Variants in KIF20B observed in about 807,000 individuals in gnomAD.
KIF20B encodes the protein kinesin family member 20B, also known as kinesin-like protein KIF20B.
KIF20B carries 188 observed loss-of-function variants against 232.5 expected under a neutral mutation model. That is an observed-to-expected ratio of 0.81 (90% CI 0.72 to 0.91). KIF20B has a LOEUF of 0.91. KIF20B is among the 40% of genes least tolerant of loss of function. KIF20B has a pLI of 0.00. For missense variants in KIF20B, 2,154 were observed against 2,055.9 expected, an observed-to-expected ratio of 1.05 and a Z score of -0.92; for synonymous variants, 712 against 683.0, an observed-to-expected ratio of 1.04 and a Z score of -0.66.
At chr10:89,751,214 C>T in intron 23 of KIF20B, 132 bp from the exon 24 acceptor site, 1 of 668,118 alleles carries the variant, frequency 1.5e-6, no homozygotes, top group Non-Finnish European at 2.5e-6. Context: ...ATGAATAAGA[C>T]AAAGTTTCTG....
chr10:89,703,312 A>G (rs1471397790), intron 1 of KIF20B, among the ~76,000 whole-genome samples: 1 of 152,296 alleles, frequency 6.6e-6, no homozygotes, highest in East Asian at 1.9e-4. Flanking sequence ...TTCTTGTGAT[A>G]CGTTTAGGAA....
chr10:89,738,050 C>T lies in KIF20B; in HGVS notation c.3209C>T (p.Ala1070Val), dbSNP rs541996453. ...IWEECKEIVK[A>V]SSKKSHQIEE... ...GAAGAATGTAAAGAGATTGTGAAGG[C>T]CTCTTCCAAAAAAAGTCATCAGATT... Residue 1070 changes from alanine (A) to valine (V), a missense_variant, in exon 20 of 33, where the codon GCC (alanine) becomes GTC (valine). Coordinates refer to ENST00000371728, the MANE Select transcript of KIF20B (RefSeq NM_001284259.2). The T allele has an allele frequency of 6.2e-7, 1 of 1,613,148 alleles. No homozygotes were observed. Among genetic ancestry groups the T allele is most frequent in the Admixed American group, 1.7e-5 (1 of 59,968 alleles).
chr10:89,719,738 GTCT>G (rs1564660434), intron 13 of KIF20B, 32 bp downstream of exon 13: 4 of 1,499,666 alleles, frequency 2.7e-6, no homozygotes, highest in South Asian at 1.3e-5. Flanking sequence ...TTCTATGCTT[GTCT>G]TCTTATTCTG....
At chr10:89,731,934 T>G (rs578188903) in intron 18 of KIF20B, among the ~76,000 whole-genome samples, 19 of 152,354 alleles carry the variant, frequency 1.2e-4, no homozygotes, top group African/African-American at 4.6e-4. Flanking sequence ...TATTTCCTGC[T>G]AATACAATGT....
rs3758390 is a variant in KIF20B at position 89,772,811 on chromosome 10, A to G, written c.5365A>G (p.Ile1789Val). 1.2e-4 allele frequency: 193 copies of G among 1,609,492 alleles called. 3 individuals are homozygous for G. In the East Asian group the frequency reaches 4.3e-3, roughly 35 times the overall value. Residue 1789 changes from isoleucine to valine, a missense_variant, in exon 32 of 33, where the codon ATT becomes GTT. Transcript: ENST00000371728. ...KLYTSEISSP[I>V]DISGQVILMD... The stretch of plus-strand genomic sequence containing the variant: ...ATACACAAGTGAAATTTCATCTCCT[A>G]TTGATATATCAGGCCAAGTGGTAAG...
chr10:89,767,994 A>G (rs947274720), intron 29 of KIF20B, among the ~76,000 whole-genome samples: 4 of 152,010 alleles, frequency 2.6e-5, no homozygotes, highest in African/African-American at 9.7e-5. Context: ...AGCACAGTTG[A>G]CATTGTGGGC....
chr10:89,707,106 C>T (rs952920097), intron 2 of KIF20B, among the ~76,000 whole-genome samples: 4 of 152,078 alleles, frequency 2.6e-5, no homozygotes, highest in Non-Finnish European at 4.4e-5. Flanking sequence ...AGAGGCCTTT[C>T]GTGTCTTTTG....
At position 89,729,179 on chromosome 10, in the gene KIF20B, C is replaced by A; in HGVS notation, c.2323C>A (p.Gln775Lys). ...TAAAGAATTGATAAATATAATTGAT[C>A]AAAAAGAAGATACTATCAACGAATT... ...RIKELINIID[Q>K]KEDTINEFQN... The change falls in exon 18 of 33, where the codon CAA (glutamine) becomes AAA (lysine). Residue 775 changes from glutamine to lysine, a missense_variant. Gln to Lys is a moderately conservative substitution (Grantham distance 53). Coordinates refer to ENST00000371728, the MANE Select transcript of KIF20B (RefSeq NM_001284259.2). The A allele has an allele frequency of 2.0e-6, 3 of 1,470,412 alleles. No homozygotes were observed. The highest frequency in any genetic ancestry group is 1.3e-5 in the South Asian group (1 of 77,270). The allele number at this position is 1,470,412 out of a possible 1,614,324, so 91.1% of individuals were successfully genotyped here.
intron 23 of KIF20B, among the ~76,000 whole-genome samples, chr10:89,747,853 T>A (rs909671285): frequency 6.7e-6 from 1 of 148,558 alleles, no homozygotes; most frequent in Non-Finnish European, 1.5e-5. Flanking sequence ...AACCTGCACA[T>A]TGTGCACATG....
At chr10:89,718,354 T>TA (rs1473181981) in intron 11 of KIF20B, among the ~76,000 whole-genome samples, 1 of 151,760 alleles carries the variant, frequency 6.6e-6, no homozygotes, top group African/African-American at 2.4e-5. Context: ...AAAATAAAAA[T>TA]AAAAAAATTA....
intron 13 of KIF20B, among the ~76,000 whole-genome samples, chr10:89,723,104 G>A (rs1201904964): frequency 6.6e-6 from 1 of 152,028 alleles, no homozygotes; most frequent in Non-Finnish European, 1.5e-5. Context: ...CCAGAACATG[G>A]GGTTATATTA....
chr10:89,714,039 T>G lies in KIF20B; in HGVS notation c.676-8T>G. The G allele has an allele frequency of 7.2e-7, 1 of 1,384,096 alleles. No individual in the cohort carries two copies. Among genetic ancestry groups the G allele is most frequent in the Non-Finnish European group, 9.8e-7 (1 of 1,023,742 alleles). The allele number at this position is 1,384,096 out of a possible 1,614,324, so 85.7% of individuals were successfully genotyped here. ...TTTTTTAATTTTTTAAAACAATCTT[T>G]TTTTTAGGTTACTGTGCATAATGAT... is the stretch of plus-strand genomic sequence containing the variant. On this transcript the variant is annotated splice_polypyrimidine_tract_variant and splice_region_variant and intron_variant, in intron 6 of 32. Coordinates refer to ENST00000371728, the MANE Select transcript of KIF20B (RefSeq NM_001284259.2).
At chr10:89,765,011 A>G (rs1348066766) in intron 29 of KIF20B, among the ~76,000 whole-genome samples, 2 of 151,418 alleles carry the variant, frequency 1.3e-5, no homozygotes, top group Non-Finnish European at 2.9e-5. Flanking sequence ...GTTTTCTTCT[A>G]GGGTTTTTAT....
chr10:89,772,687 A>G lies in KIF20B; in HGVS notation c.5243-2A>G. The G allele has an allele frequency of 2.7e-5, 41 of 1,542,650 alleles. No homozygotes were observed. The highest frequency in any genetic ancestry group is 3.5e-5 in the Non-Finnish European group (40 of 1,137,230). The stretch of plus-strand genomic sequence containing the variant: ...GAACTAATTAACAATTTTATTTTAT[A>G]GCAAAGAAGATAATTGAAACAATGA... On this transcript the variant is annotated splice_acceptor_variant, in intron 31 of 32. Transcript: ENST00000371728. LOFTEE classifies it high-confidence loss of function.
Position 89,719,665 on chromosome 10 carries a change from T to G in KIF20B, c.1681T>G (p.Leu561Val), listed in dbSNP as rs1175224001. The G allele has an allele frequency of 5.0e-6, 8 of 1,610,114 alleles. No homozygotes were observed. The highest frequency in any genetic ancestry group is 6.8e-6 in the Non-Finnish European group (8 of 1,178,742). The change falls in exon 13 of 33, where the codon TTA (leucine) becomes GTA (valine). Residue 561 changes from leucine to valine, a missense_variant. Physicochemically the swap from Leu to Val is conservative, Grantham distance 32. Transcript: ENST00000371728. ...KLLDEDLDKT[L>V]EENKAFISHE... ...TCTTGATGAAGATCTAGATAAAACA[T>G]TAGAGGAAAATAAGGCTTTCATTAG... is the stretch of plus-strand genomic sequence containing the variant.
At chr10:89,745,720 C>G (rs1001652709) in intron 22 of KIF20B, among the ~76,000 whole-genome samples, 179 bp from the exon 23 acceptor site, 1 of 151,984 alleles carries the variant, frequency 6.6e-6, no homozygotes, top group Non-Finnish European at 1.5e-5. Context: ...CCTGCTCTCA[C>G]CCTACCCTTT....
intron 2 of KIF20B, among the ~76,000 whole-genome samples, 153 bp downstream of exon 2, chr10:89,705,594 AT>A (rs1842705975): frequency 6.6e-6 from 1 of 152,246 alleles, no homozygotes; most frequent in African/African-American, 2.4e-5. Context: ...AAAAATCAAA[AT>A]AGGAATAATG....
At chr10:89,757,150 G>A (rs977891242) in intron 26 of KIF20B, among the ~76,000 whole-genome samples, 2 of 150,606 alleles carry the variant, frequency 1.3e-5, no homozygotes, top group Non-Finnish European at 3.0e-5. Context: ...CGAAGCAGTT[G>A]TACCCATTTA....
At position 89,738,223 on chromosome 10, in the gene KIF20B, T is replaced by C; in HGVS notation, c.3382T>C (p.Leu1128=). The change falls in exon 20 of 33, where the codon TTG becomes CTG. Residue 1128 remains leucine, a synonymous_variant. Coordinates refer to ENST00000371728, the MANE Select transcript of KIF20B (RefSeq NM_001284259.2). ...TCTTATACAGCAGCTGAAAGAAGAA[T>C]TGCAAGAAAAAAATGTTACTCTTGA... ...ETLIQQLKEE[L]QEKNVTLDVQ... The C allele has an allele frequency of 1.2e-6, 2 of 1,601,074 alleles. No individual in the cohort carries two copies. The highest frequency in any genetic ancestry group is 8.5e-7 in the Non-Finnish European group (1 of 1,177,278).
Sources: gnomAD v4.1 joint callset for allele counts (sites outside exome capture counted in the v4.1 genomes callset) on GRCh38, gnomAD v4.1.1 for gene constraint, MANE v1.5 for transcripts, NCBI Gene and HGNC (gene_info 2026-07-23, HGNC 2026-07-21) for gene names.